The following BMS1 variants were observed in gnomAD, a reference collection of about 807,000 sequenced individuals.
BMS1 encodes BMS1 ribosome biogenesis factor.
A neutral mutation model predicts 138.7 loss-of-function variants in BMS1; 53 were observed. That is an observed-to-expected ratio of 0.38 (90% CI 0.31 to 0.48). BMS1 has a LOEUF of 0.48. Ranked by LOEUF, BMS1 falls within the 20% of genes least tolerant of loss-of-function variation. The pLI, the probability that BMS1 is intolerant of heterozygous loss-of-function variation, is 0.97. For synonymous variants in BMS1, 504 were observed against 539.9 expected, an observed-to-expected ratio of 0.93 and a Z score of 0.92; for missense variants, 1,360 against 1,565.5, an observed-to-expected ratio of 0.87 and a Z score of 2.22.
In BMS1 at chr10:42,816,642, G is replaced by A; in HGVS notation, c.2373G>A (p.Val791=). ...GDFEDLETGD[V]HKGKSGPNTQ... is the part of the protein sequence containing the mutation. ...TTGAAGACTTGGAAACAGGGGACGT[G>A]CACAAGGGAAAATCAGGCCCCAATA... The change falls in exon 14 of 23, where the codon GTG becomes GTA. Residue 791 remains valine, a synonymous_variant. Coordinates refer to ENST00000374518, the MANE Select transcript of BMS1 (RefSeq NM_014753.4). 1.9e-6 allele frequency: 3 copies of A among 1,611,530 alleles called. No homozygotes were observed. Among genetic ancestry groups the A allele is most frequent in the Non-Finnish European group, 2.5e-6 (3 of 1,179,678 alleles).
chr10:42,804,644 C>T (rs914911802), intron 13 of BMS1, among the ~76,000 whole-genome samples: 2 of 151,934 alleles, frequency 1.3e-5, no homozygotes, highest in Non-Finnish European at 2.9e-5. Flanking sequence ...TTTTGCCTAG[C>T]GTGTGCCTTG....
intron 21 of BMS1, among the ~76,000 whole-genome samples, chr10:42,827,961 C>A (rs1187503521): frequency 6.6e-6 from 1 of 152,164 alleles, no homozygotes; most frequent in Non-Finnish European, 1.5e-5. Flanking sequence ...TCTATTAAAG[C>A]AATGTGGATT....
chr10:42,788,274 ATTTG>A (rs1288092772), intron 4 of BMS1, among the ~76,000 whole-genome samples: 2 of 152,218 alleles, frequency 1.3e-5, no homozygotes, highest in Admixed American at 6.5e-5. Flanking sequence ...CATAGAAGTC[ATTTG>A]TTTCTCTTTT....
chr10:42,806,159 A>G (rs1411909817), intron 13 of BMS1, among the ~76,000 whole-genome samples: 2 of 152,166 alleles, frequency 1.3e-5, no homozygotes, highest in East Asian at 1.9e-4. Context: ...GTTCTGCACA[A>G]TAAAGCCTGG....
At chr10:42,817,213 A>C in intron 14 of BMS1, 105 bp from the exon 15 acceptor site, 1 of 908,878 alleles carries the variant, frequency 1.1e-6, no homozygotes, top group Non-Finnish European at 1.7e-6. Context: ...TAATGATAAC[A>C]GATTTTTGCT....
At chr10:42,804,412 A>T (rs1241855872) in intron 13 of BMS1, among the ~76,000 whole-genome samples, 1 of 152,198 alleles carries the variant, frequency 6.6e-6, no homozygotes, top group Non-Finnish European at 1.5e-5. Flanking sequence ...TGATAGTATC[A>T]GTCTTTTTAA....
In BMS1 at chr10:42,834,713, G is replaced by T. The variant is rs1394119694; in HGVS notation, c.*3617G>T. On this transcript the variant is annotated 3_prime_UTR_variant, in exon 23 of 23. Transcript: ENST00000374518. ...AACTTTGGTTGGATGGGTATTTGGA[G>T]GAATCTTTTAAGTCTTTTCTTAAGC... The T allele has an allele frequency of 6.6e-6, 1 of 152,064 alleles. No individual in the cohort carries two copies. The highest frequency in any genetic ancestry group is 1.5e-5 in the Non-Finnish European group (1 of 68,012). The allele number at this position is 152,064 out of a possible 1,614,324, so 9.4% of individuals were successfully genotyped here.
At chr10:42,795,979 T>C (rs1841671809) in intron 9 of BMS1, among the ~76,000 whole-genome samples, 1 of 152,218 alleles carries the variant, frequency 6.6e-6, no homozygotes, top group Admixed American at 6.5e-5. Flanking sequence ...GGCCCAGATT[T>C]GGCTGCAGGA....
At chr10:42,791,192 C>T (rs2132303937) in intron 5 of BMS1, among the ~76,000 whole-genome samples, 1 of 152,292 alleles carries the variant, frequency 6.6e-6, no homozygotes, top group African/African-American at 2.4e-5. Flanking sequence ...CAAAAGAGTG[C>T]TTGTTTGGGG....
intron 15 of BMS1, among the ~76,000 whole-genome samples, chr10:42,818,717 A>G (rs1842419621): frequency 6.6e-6 from 1 of 152,110 alleles, no homozygotes; most frequent in African/African-American, 2.4e-5. Flanking sequence ...CTGGCCAGGG[A>G]CTTAGATGTA....
Position 42,822,156 on chromosome 10 carries a change from A to G in BMS1, c.3104A>G (p.Lys1035Arg). ...KKLKLTGFPY[K>R]IFKNTSFIKG... ...TTAAAGCTAACTGGTTTTCCATATA[A>G]AATTTTCAAGAACACTTCATTTATT... Residue 1035 changes from lysine (K) to arginine (R), a missense_variant, in exon 19 of 23, where the codon AAA becomes AGA. Around this residue, in one of 3 missense-constraint regions of BMS1, gnomAD observed 425 missense variants for 568.3 expected, o/e 0.75. Coordinates refer to ENST00000374518, the MANE Select transcript of BMS1 (RefSeq NM_014753.4). The G allele has an allele frequency of 6.7e-7, 1 of 1,486,610 alleles. No individual in the cohort carries two copies. 92.1% of individuals were successfully genotyped at this position (1,486,610 alleles called of 1,614,324 possible). A position where few individuals can be genotyped will look rare whatever the true frequency, so the allele number is the denominator to read the frequency against.
chr10:42,802,331 G>A (rs1319496074), intron 13 of BMS1, 113 bp downstream of exon 13: 1 of 880,052 alleles, frequency 1.1e-6, no homozygotes, highest in African/African-American at 1.7e-5. Flanking sequence ...AATGCTTTGG[G>A]AATTCAGACA....
chr10:42,793,120 CCTT>C lies in BMS1; in HGVS notation c.1066_1068del (p.Leu356del). 1 of 1,608,628 alleles carries C rather than the reference CCTT, an allele frequency of 6.2e-7. No individual in the cohort carries two copies. Among genetic ancestry groups the C allele is most frequent in the South Asian group, 1.1e-5 (1 of 89,968 alleles). On this transcript the variant is annotated inframe_deletion, in exon 8 of 23. Transcript: ENST00000374518. Reference sequence around the variant, plus strand: ...ATGACAAAGACGCTGTCTATGTTGACCTTGGTGGCAGCCACGTTTTTCAGGTAT... The same window carrying C: ...ATGACAAAGACGCTGTCTATGTTGACGGTGGCAGCCACGTTTTTCAGGTAT...
intron 4 of BMS1, among the ~76,000 whole-genome samples, chr10:42,789,249 G>A (rs1038847501): frequency 1.3e-5 from 2 of 152,196 alleles, no homozygotes; most frequent in Non-Finnish European, 1.5e-5. Flanking sequence ...AGGATATTCC[G>A]CCTGTCCTTT....
At chr10:42,795,827 T>G (rs1285170824) in intron 9 of BMS1, among the ~76,000 whole-genome samples, 1 of 152,222 alleles carries the variant, frequency 6.6e-6, no homozygotes, top group Non-Finnish European at 1.5e-5. Context: ...CTGTCATTCC[T>G]CCTACGTTTG....
At chr10:42,815,672 G>T (rs1289721760) in intron 13 of BMS1, among the ~76,000 whole-genome samples, 1 of 152,128 alleles carries the variant, frequency 6.6e-6, no homozygotes, top group Non-Finnish European at 1.5e-5. Context: ...CAAAGTGCTG[G>T]GTTTACAGGC....
In BMS1 at chr10:42,820,614, T is replaced by G; in HGVS notation, c.2876T>G (p.Ile959Ser). ...RRFQTIPLYY[I>S]EDHNGRQRLL... is the part of the protein sequence containing the mutation. ...TTTCAGACCATCCCACTGTATTATA[T>G]CGAAGACCACAATGGAAGACAAAGG... The change falls in exon 17 of 23, where the codon ATC becomes AGC. Residue 959 changes from isoleucine (I) to serine (S), a missense_variant. Physicochemically the swap from Ile to Ser is moderately radical, Grantham distance 142 (BLOSUM62 -2). Around this residue, in one of 3 missense-constraint regions of BMS1, gnomAD observed 425 missense variants for 568.3 expected, o/e 0.75. Coordinates refer to ENST00000374518, the MANE Select transcript of BMS1 (RefSeq NM_014753.4). 6.2e-7 allele frequency: 1 copy of G among 1,611,952 alleles called. No individual in the cohort carries two copies. The highest frequency in any genetic ancestry group is 2.2e-5 in the East Asian group (1 of 44,884).
chr10:42,830,681 G>A (rs1431498487), intron 22 of BMS1, among the ~76,000 whole-genome samples, 185 bp from the exon 23 acceptor site: 1 of 152,060 alleles, frequency 6.6e-6, no homozygotes, highest in Non-Finnish European at 1.5e-5. Flanking sequence ...GATGAACAGA[G>A]GTGGTAAAGG....
intron 13 of BMS1, among the ~76,000 whole-genome samples, chr10:42,810,560 G>A (rs1842142900): frequency 6.6e-6 from 1 of 152,212 alleles, no homozygotes; most frequent in Admixed American, 6.5e-5. Context: ...TTCTGGAAGA[G>A]TTTGTATAGA....
Sources: gnomAD v4.1 joint callset for allele counts (sites outside exome capture counted in the v4.1 genomes callset) on GRCh38, gnomAD v4.1.1 for gene constraint, gnomAD v4.1.1 regional missense constraint, MANE v1.5 for transcripts, NCBI Gene and HGNC (gene_info 2026-07-23, HGNC 2026-07-21) for gene names.